The following HPSE variants were observed in gnomAD, a reference collection of about 807,000 sequenced individuals.
The protein encoded by HPSE is heparanase.
In HPSE, 48 loss-of-function variants were observed where a neutral mutation model predicts 65.1. That is an observed-to-expected ratio of 0.74 (90% confidence interval 0.58 to 0.94). HPSE has a LOEUF of 0.94. Ranked by LOEUF, HPSE falls within the 40% of genes least tolerant of loss-of-function variation. The pLI is 0.00. For synonymous variants in HPSE, 243 were observed against 260.0 expected (o/e 0.93, Z 0.63); for missense variants, 644 against 637.5 (o/e 1.01, Z -0.11).
At chr4:83,324,244 C>T (rs1418805427) in intron 1 of HPSE, among the ~76,000 whole-genome samples, 1 of 151,132 alleles carries the variant, frequency 6.6e-6, no homozygotes, top group Non-Finnish European at 1.5e-5. Context: ...ACTTCACCCT[C>T]CCAAAGTGTT....
chr4:83,302,526 C>G (rs1225808474), intron 9 of HPSE, among the ~76,000 whole-genome samples: 1 of 151,836 alleles, frequency 6.6e-6, no homozygotes. Context: ...GGATATCTGT[C>G]AAGAATGATC....
chr4:83,301,300 C>T (rs1444978522), intron 10 of HPSE, among the ~76,000 whole-genome samples, 194 bp from the exon 11 acceptor site: 1 of 152,080 alleles, frequency 6.6e-6, no homozygotes, highest in Non-Finnish European at 1.5e-5. Context: ...CTAGTGTGCT[C>T]CTATTTTGAA....
intron 4 of HPSE, 35 bp downstream of exon 4, chr4:83,313,079 C>T: frequency 7.7e-7 from 1 of 1,291,270 alleles, no homozygotes; most frequent in East Asian, 2.4e-5. Flanking sequence ...AGTGGGGGAT[C>T]TCCTTATTAA....
In HPSE at chr4:83,318,011, T is replaced by C. The variant is rs182149039; in HGVS notation, c.499+1333A>G. On this transcript the variant is annotated intron_variant, in intron 3 of 11. Coordinates refer to ENST00000311412, the MANE Select transcript of HPSE (RefSeq NM_001098540.3). ...ACATTAGCTATTAGCATATGCGCTA[T>C]TTTTTGATTTCTTATGGAACACATT... 2.7e-3 allele frequency among the ~76,000 whole-genome samples: 413 copies of C among 152,348 alleles called. 2 individuals are homozygous for C. Among genetic ancestry groups the C allele is most frequent in the African/African-American group, 9.7e-3 (402 of 41,590 alleles).
chr4:83,321,068 T>G (rs113986084), intron 2 of HPSE, among the ~76,000 whole-genome samples: 2,090 of 152,198 alleles, frequency 0.014, 51 homozygotes, highest in African/African-American at 0.047. Flanking sequence ...TGTGGTGACA[T>G]GCACCTGTGG....
At chr4:83,295,594 T>TA in intron 11 of HPSE, 91 bp from the exon 12 acceptor site, 1 of 1,129,676 alleles carries the variant, frequency 8.9e-7, no homozygotes, top group South Asian at 2.2e-5. Context: ...TTAGACCAAA[T>TA]AAATTTTTTT....
chr4:83,319,182 A>G (rs1448550610), intron 3 of HPSE, among the ~76,000 whole-genome samples, 162 bp downstream of exon 3: 2 of 152,198 alleles, frequency 1.3e-5, no homozygotes, highest in Non-Finnish European at 2.9e-5. Flanking sequence ...CAAAAAAAAA[A>G]CCAAAAAGCA....
chr4:83,316,768 T>G (rs1332689563), intron 3 of HPSE, among the ~76,000 whole-genome samples: 1 of 152,242 alleles, frequency 6.6e-6, no homozygotes, highest in Non-Finnish European at 1.5e-5. Flanking sequence ...TGAGTCTATA[T>G]TCTCATGACA....
chr4:83,304,566 T>TG (rs1215287554), intron 9 of HPSE, among the ~76,000 whole-genome samples: 1 of 119,660 alleles, frequency 8.4e-6, no homozygotes, highest in Non-Finnish European at 1.7e-5. Context: ...CAATGGTTCA[T>TG]GCTGTAATCC....
intron 1 of HPSE, 43 bp downstream of exon 1, chr4:83,334,494 CGGGGCAGACATAGGTGTCA>C (rs1737533006): frequency 6.8e-7 from 1 of 1,471,432 alleles, no homozygotes; most frequent in Non-Finnish European, 9.1e-7. Flanking sequence ...GAGCGGCTGG[CGGGGCAGACATAGGTGTCA>C]GGAGGACAGG....
Position 83,308,847 on chromosome 4 carries a change from A to T in HPSE, c.1089T>A (p.Phe363Leu), listed in dbSNP as rs1359351536. 1 of 1,611,538 alleles carries T rather than the reference A, an allele frequency of 6.2e-7. No individual in the cohort carries two copies. The highest frequency in any genetic ancestry group is 8.5e-7 in the Non-Finnish European group (1 of 1,177,906). ...AAGGCCAGCGCTGCTTCACTCACAT[A>T]AAGCCAGCTGCAAAGGTGTCGGATA... ...PLLSDTFAAG[F>L]MWLDKLGLSA... The change falls in exon 8 of 12, where the codon TTT becomes TTA. Residue 363 changes from phenylalanine (F) to leucine (L), a missense_variant and splice_region_variant. Physicochemically the swap from Phe to Leu is conservative, Grantham distance 22 (BLOSUM62 0). Coordinates refer to ENST00000311412, the MANE Select transcript of HPSE (RefSeq NM_001098540.3).
intron 11 of HPSE, among the ~76,000 whole-genome samples, chr4:83,295,973 G>A (rs568481622): frequency 1.3e-5 from 2 of 152,264 alleles, no homozygotes; most frequent in East Asian, 3.9e-4. Context: ...TTGTAACTAT[G>A]CCCATAAACT....
In HPSE at chr4:83,322,437, C is replaced by A. The variant is rs185530710; in HGVS notation, c.228-73G>T. The A allele has an allele frequency of 6.2e-3, 7,779 of 1,256,688 alleles. 33 individuals are homozygous for A. Among genetic ancestry groups the A allele is most frequent in the Non-Finnish European group, 7.3e-3 (6,600 of 906,010 alleles). The allele number at this position is 1,256,688 out of a possible 1,614,324, so 77.8% of individuals were successfully genotyped here. A position where few individuals can be genotyped will look rare whatever the true frequency, so the allele number is the denominator to read the frequency against. On this transcript the variant is annotated intron_variant, in intron 1 of 11. Coordinates refer to ENST00000311412, the MANE Select transcript of HPSE (RefSeq NM_001098540.3). ...TCTAGTCAAACATTCTTACTTCCTT[C>A]TTTCCTGGTGGACCTATTTCTTAAC...
intron 5 of HPSE, 76 bp from the exon 6 acceptor site, chr4:83,310,154 C>A: frequency 1.0e-6 from 1 of 962,028 alleles, no homozygotes; most frequent in Non-Finnish European, 1.6e-6. Flanking sequence ...AGTTTTATTC[C>A]CTAGAAATGG....
At chr4:83,316,283 T>A (rs1484773872) in intron 3 of HPSE, among the ~76,000 whole-genome samples, 2 of 150,690 alleles carry the variant, frequency 1.3e-5, no homozygotes, top group Non-Finnish European at 2.9e-5. Flanking sequence ...TGCCTCAGCC[T>A]CTCAAAGTGC....
chr4:83,299,369 A>AGG (rs1735852621), intron 11 of HPSE, among the ~76,000 whole-genome samples: 6 of 140,764 alleles, frequency 4.3e-5, no homozygotes, highest in Admixed American at 3.5e-4. Context: ...GTCTCAAAAA[A>AGG]AAAAAAAAAA....
chr4:83,310,100 C>T (rs910468723), intron 5 of HPSE, 22 bp from the exon 6 acceptor site: 4 of 1,560,962 alleles, frequency 2.6e-6, no homozygotes, highest in Admixed American at 1.7e-5. Context: ...ATTTTATTAT[C>T]ACTCAGTCAT....
intron 11 of HPSE, among the ~76,000 whole-genome samples, chr4:83,298,383 T>G (rs1375157873): frequency 6.6e-6 from 1 of 152,160 alleles, no homozygotes; most frequent in Non-Finnish European, 1.5e-5. Flanking sequence ...ATGCCTGTAA[T>G]CCCAGCACTT....
In HPSE at chr4:83,319,330, CT is replaced by C; in HGVS notation, c.499+13del. On this transcript the variant is annotated intron_variant, in intron 3 of 11. Coordinates refer to ENST00000311412, the MANE Select transcript of HPSE (RefSeq NM_001098540.3). ...TGGGGCTGGAACATCTCTAGGGTGC[CT>C]TTCATTTCTTACTTGAGTAGGTGCT... 3.1e-6 allele frequency: 5 copies of C among 1,613,174 alleles called. No individual in the cohort carries two copies. The highest frequency in any genetic ancestry group is 4.2e-6 in the Non-Finnish European group (5 of 1,179,506).
Sources: allele counts gnomAD v4.1 joint callset (sites outside exome capture counted in the v4.1 genomes callset), GRCh38; gene constraint gnomAD v4.1.1; transcripts MANE v1.5; gene names NCBI Gene and HGNC (gene_info 2026-07-23, HGNC 2026-07-21).